The following FOXP2 variants were observed in gnomAD, a reference collection of about 807,000 sequenced individuals.
The protein encoded by FOXP2 is forkhead box P2.
Under a neutral mutation model 115.8 loss-of-function variants are expected in FOXP2, and 12 were observed. The ratio of observed to expected loss-of-function variants is 0.10; its 90% CI spans 0.07 to 0.17. FOXP2 has a LOEUF of 0.17. FOXP2 is among the 10% of genes least tolerant of loss of function. The pLI, the probability that FOXP2 is intolerant of heterozygous loss-of-function variation, is 1.00. For missense variants in FOXP2, 629 were observed against 843.5 expected, an observed-to-expected ratio of 0.75 and a Z score of 3.15; for synonymous variants, 328 against 297.7, an observed-to-expected ratio of 1.10 and a Z score of -1.05.
intron 1 of FOXP2, among the ~76,000 whole-genome samples, chr7:114,169,785 C>G (rs1229453962): frequency 6.6e-6 from 1 of 151,922 alleles, no homozygotes; most frequent in Non-Finnish European, 1.5e-5. Flanking sequence ...TGGGAGGGAC[C>G]CGGTGGGAGA....
chr7:114,674,968 AC>A (rs1402950815), intron 16 of FOXP2, among the ~76,000 whole-genome samples: 1 of 152,114 alleles, frequency 6.6e-6, no homozygotes, highest in East Asian at 1.9e-4. Context: ...TTAAAAGTGA[AC>A]TTTTCTACTT....
intron 1 of FOXP2, among the ~76,000 whole-genome samples, chr7:114,261,144 G>A (rs1795738913): frequency 6.6e-6 from 1 of 152,030 alleles, no homozygotes; most frequent in Admixed American, 6.6e-5. Context: ...TCAATAAAAA[G>A]GACTATTAAT....
chr7:114,246,190 CT>C (rs899763891), intron 1 of FOXP2, among the ~76,000 whole-genome samples: 3 of 151,334 alleles, frequency 2.0e-5, no homozygotes, highest in South Asian at 2.1e-4. Context: ...AAGTTAAGCA[CT>C]TTTTTTTTCT....
intron 2 of FOXP2, among the ~76,000 whole-genome samples, chr7:114,491,322 T>C (rs1460394610): frequency 1.3e-5 from 2 of 152,266 alleles, no homozygotes; most frequent in African/African-American, 4.8e-5. Context: ...AAGTGTCTGT[T>C]CATGTCCTTC....
At chr7:114,588,153 C>CA (rs1160328029) in intron 3 of FOXP2, among the ~76,000 whole-genome samples, 1 of 151,428 alleles carries the variant, frequency 6.6e-6, no homozygotes, top group Non-Finnish European at 1.5e-5. Context: ...ACTAAAAATA[C>CA]AAAAAAATTA....
At chr7:114,569,943 A>G (rs1433922654) in intron 3 of FOXP2, among the ~76,000 whole-genome samples, 2 of 151,896 alleles carry the variant, frequency 1.3e-5, no homozygotes, top group African/African-American at 2.4e-5. Flanking sequence ...CTTTTCTGGT[A>G]TAGTTATAAT....
intron 2 of FOXP2, among the ~76,000 whole-genome samples, chr7:114,290,827 A>C (rs1431965270): frequency 6.6e-6 from 1 of 152,154 alleles, no homozygotes; most frequent in Non-Finnish European, 1.5e-5. Flanking sequence ...TTAATTTGTC[A>C]ATCTAGAGAA....
chr7:114,493,461 G>C (rs1320029729), intron 2 of FOXP2, among the ~76,000 whole-genome samples: 1 of 152,046 alleles, frequency 6.6e-6, no homozygotes, highest in African/African-American at 2.4e-5. Flanking sequence ...TATAACAAAC[G>C]TATCACTCTG....
At chr7:114,182,519 A>T (rs1793483596) in intron 1 of FOXP2, among the ~76,000 whole-genome samples, 1 of 152,050 alleles carries the variant, frequency 6.6e-6, no homozygotes, top group Non-Finnish European at 1.5e-5. Flanking sequence ...TTTCTTTCAA[A>T]TATCAAGAGA....
At chr7:114,291,101 C>T (rs1796577575) in intron 2 of FOXP2, among the ~76,000 whole-genome samples, 1 of 151,986 alleles carries the variant, frequency 6.6e-6, no homozygotes, top group Non-Finnish European at 1.5e-5. Context: ...TAACAAAGTA[C>T]CATAGACTGA....
intron 3 of FOXP2, among the ~76,000 whole-genome samples, chr7:114,628,043 G>A (rs1256364626): frequency 6.6e-6 from 1 of 151,828 alleles, no homozygotes; most frequent in East Asian, 1.9e-4. Context: ...ATAAAATTTT[G>A]AAGATGATGA....
chr7:114,673,132 A>G (rs1807583737), intron 16 of FOXP2, among the ~76,000 whole-genome samples: 1 of 152,226 alleles, frequency 6.6e-6, no homozygotes, highest in Non-Finnish European at 1.5e-5. Flanking sequence ...TCAAAGGAGA[A>G]TTGGAGCAGC....
At chr7:114,479,110 A>G (rs1016294980) in intron 2 of FOXP2, among the ~76,000 whole-genome samples, 42 of 151,810 alleles carry the variant, frequency 2.8e-4, no homozygotes, top group African/African-American at 9.9e-4. Context: ...AGGAAAATGG[A>G]CACCAACTCA....
intron 2 of FOXP2, among the ~76,000 whole-genome samples, chr7:114,349,748 A>G (rs916811449): frequency 2.4e-4 from 36 of 152,070 alleles, no homozygotes; most frequent in Non-Finnish European, 3.5e-4. Context: ...AAATGTGAAA[A>G]TAGAAGAAAT....
intron 2 of FOXP2, among the ~76,000 whole-genome samples, chr7:114,527,764 C>G (rs1334880586): frequency 6.6e-6 from 1 of 152,112 alleles, no homozygotes; most frequent in Non-Finnish European, 1.5e-5. Flanking sequence ...TTTTGACTTA[C>G]AATTTTGGAG....
chr7:114,343,066 A>C (rs1487705611), intron 2 of FOXP2, among the ~76,000 whole-genome samples: 1 of 151,556 alleles, frequency 6.6e-6, no homozygotes, highest in Non-Finnish European at 1.5e-5. Context: ...GGGGATTAGC[A>C]AGTATTGTTT....
intron 1 of FOXP2, among the ~76,000 whole-genome samples, chr7:114,197,399 G>A (rs184265919): frequency 1.3e-5 from 2 of 152,292 alleles, no homozygotes; most frequent in African/African-American, 4.8e-5. Flanking sequence ...CTCTTTCTGA[G>A]GGAGAGAGAG....
intron 1 of FOXP2, among the ~76,000 whole-genome samples, chr7:114,183,573 G>A (rs149770368): frequency 1.1e-4 from 16 of 152,204 alleles, no homozygotes; most frequent in Admixed American, 3.9e-4. Flanking sequence ...GAATATACAA[G>A]TTATACTTTC....
chr7:114,220,950 T>C (rs1353231703), intron 1 of FOXP2, among the ~76,000 whole-genome samples: 1 of 152,192 alleles, frequency 6.6e-6, no homozygotes, highest in Non-Finnish European at 1.5e-5. Context: ...ATTATCTTTG[T>C]TCTTATAGTT....
Sources: gnomAD v4.1 joint callset for allele counts (sites outside exome capture counted in the v4.1 genomes callset) on GRCh38, gnomAD v4.1.1 for gene constraint, MANE v1.5 for transcripts, NCBI Gene and HGNC (gene_info 2026-07-23, HGNC 2026-07-21) for gene names.